The following PDE4B variants were observed in gnomAD, a reference collection of about 807,000 sequenced individuals.
PDE4B encodes 3',5'-cyclic-AMP phosphodiesterase 4B.
A neutral mutation model predicts 82.2 loss-of-function variants in PDE4B; 20 were observed. That is an observed-to-expected ratio of 0.24 (90% confidence interval 0.17 to 0.35). The LOEUF (loss-of-function observed/expected upper bound fraction) is 0.35, where lower values mean the gene tolerates loss of function less well. Ranked by LOEUF, PDE4B falls within the 10% of genes least tolerant of loss-of-function variation. The probability of loss-of-function intolerance (pLI) is 1.00; values close to 1 mark genes in which losing one functional copy is unlikely to be tolerated. For missense variants in PDE4B, 655 were observed against 907.2 expected, an observed-to-expected ratio of 0.72 and a Z score of 3.57; for synonymous variants, 320 against 318.9, an observed-to-expected ratio of 1.00 and a Z score of -0.04.
intron 3 of PDE4B, among the ~76,000 whole-genome samples, chr1:66,155,611 T>TTATATATACATGTGTATATATC (rs1553152364): frequency 2.6e-5 from 4 of 151,356 alleles, no homozygotes; most frequent in Non-Finnish European, 5.9e-5. Flanking sequence ...ATATACATAT[T>TTATATATACATGTGTATATATC]TATATATACA....
intron 3 of PDE4B, among the ~76,000 whole-genome samples, chr1:66,015,585 CCA>C (rs1652726215): frequency 6.6e-6 from 1 of 150,524 alleles, no homozygotes; most frequent in African/African-American, 2.5e-5. Flanking sequence ...AAGAGTATTT[CCA>C]CAAGAAAAAA....
chr1:66,318,597 T>C (rs562094392), intron 7 of PDE4B, among the ~76,000 whole-genome samples: 161 of 152,338 alleles, frequency 1.1e-3, no homozygotes, highest in African/African-American at 3.6e-3. Context: ...ACGTCCTGGC[T>C]ATAGACTTAT....
At chr1:66,267,469 A>T (rs1455352551) in intron 7 of PDE4B, 1 of 152,198 alleles carries the variant, frequency 6.6e-6, no homozygotes, top group Non-Finnish European at 1.5e-5. Context: ...GATTATTTAG[A>T]CTATGTTTTC....
chr1:66,073,348 T>A (rs543998703), intron 3 of PDE4B, among the ~76,000 whole-genome samples: 1 of 152,286 alleles, frequency 6.6e-6, no homozygotes, highest in South Asian at 2.1e-4. Context: ...CAAACCTATT[T>A]CATGTTATTA....
chr1:66,002,391 A>G (rs1651914423), intron 3 of PDE4B, among the ~76,000 whole-genome samples: 1 of 152,094 alleles, frequency 6.6e-6, no homozygotes, highest in Non-Finnish European at 1.5e-5. Flanking sequence ...CATTTGTAGC[A>G]CCGGTTTAAA....
chr1:65,982,800 A>G (rs1650754708), intron 3 of PDE4B, among the ~76,000 whole-genome samples: 1 of 152,218 alleles, frequency 6.6e-6, no homozygotes, highest in Non-Finnish European at 1.5e-5. Context: ...TGGCTGGTTG[A>G]TAATGCAGAT....
chr1:66,008,523 A>G (rs574149167), intron 3 of PDE4B, among the ~76,000 whole-genome samples: 2 of 152,210 alleles, frequency 1.3e-5, no homozygotes, highest in East Asian at 1.9e-4. Context: ...TTTCCATTCT[A>G]TTAAATGGTA....
At chr1:66,113,934 G>A (rs1645539774) in intron 3 of PDE4B, among the ~76,000 whole-genome samples, 1 of 152,182 alleles carries the variant, frequency 6.6e-6, no homozygotes, top group Non-Finnish European at 1.5e-5. Flanking sequence ...TTAATCATTT[G>A]AGAGTAAGCA....
At chr1:66,317,408 T>G (rs928621418) in intron 7 of PDE4B, among the ~76,000 whole-genome samples, 1 of 152,014 alleles carries the variant, frequency 6.6e-6, no homozygotes, top group African/African-American at 2.4e-5. Flanking sequence ...AAGAAAGTCT[T>G]TAGGAGGAAG....
chr1:65,996,123 C>T (rs1184099701), intron 3 of PDE4B, among the ~76,000 whole-genome samples: 1 of 152,050 alleles, frequency 6.6e-6, no homozygotes, highest in Non-Finnish European at 1.5e-5. Flanking sequence ...TTTACAAAAT[C>T]CTAAATCTGG....
chr1:66,274,464 C>T (rs545569522), intron 7 of PDE4B, among the ~76,000 whole-genome samples: 4 of 152,104 alleles, frequency 2.6e-5, no homozygotes, highest in South Asian at 2.1e-4. Flanking sequence ...TGAGCCACTG[C>T]GCCCAGCTGA....
chr1:65,922,901 C>T (rs1189132362), intron 3 of PDE4B, among the ~76,000 whole-genome samples: 1 of 152,082 alleles, frequency 6.6e-6, no homozygotes, highest in Non-Finnish European at 1.5e-5. Flanking sequence ...TGTGCCTGTT[C>T]TTTAGAGGAA....
chr1:66,336,152 CAAAGCCAACCAACGTCATTAG>C (rs1420683043), intron 8 of PDE4B, among the ~76,000 whole-genome samples: 1 of 152,178 alleles, frequency 6.6e-6, no homozygotes, highest in African/African-American at 2.4e-5. Context: ...CTCGTGTCAC[CAAAGCCAACCAACGTCATTAG>C]AGGAGGATAG....
chr1:66,329,543 T>G (rs150500792), intron 7 of PDE4B, among the ~76,000 whole-genome samples: 1 of 152,308 alleles, frequency 6.6e-6, no homozygotes, highest in African/African-American at 2.4e-5. Flanking sequence ...CCTTATTGAA[T>G]GTGCAATTCA....
intron 3 of PDE4B, among the ~76,000 whole-genome samples, chr1:66,206,026 A>C (rs1416650704): frequency 6.6e-6 from 1 of 152,194 alleles, no homozygotes; most frequent in African/African-American, 2.4e-5. Context: ...GCTAGGAATC[A>C]GGGGTTTCTA....
chr1:65,818,253 C>G (rs926455238), intron 1 of PDE4B, among the ~76,000 whole-genome samples: 1 of 152,170 alleles, frequency 6.6e-6, no homozygotes, highest in Non-Finnish European at 1.5e-5. Flanking sequence ...TTTTCCTGCT[C>G]AGGACTCTGC....
chr1:65,909,023 C>T (rs564523198), intron 1 of PDE4B, among the ~76,000 whole-genome samples: 1 of 152,126 alleles, frequency 6.6e-6, no homozygotes, highest in African/African-American at 2.4e-5. Flanking sequence ...AGACACTGGC[C>T]ACTGAATTAA....
At chr1:66,163,851 A>T (rs71649214) in intron 3 of PDE4B, among the ~76,000 whole-genome samples, 154 of 143,330 alleles carry the variant, frequency 1.1e-3, no homozygotes, top group South Asian at 3.3e-3. Context: ...CTGGTGTGTG[A>T]CTTACTGCTA....
chr1:66,104,249 C>T (rs968897960), intron 3 of PDE4B, among the ~76,000 whole-genome samples: 1 of 152,106 alleles, frequency 6.6e-6, no homozygotes, highest in Middle Eastern at 3.4e-3. Context: ...TCATCCATGT[C>T]CCTGCAAAGG....
Sources: gnomAD v4.1 joint callset for allele counts (sites outside exome capture counted in the v4.1 genomes callset) on GRCh38, gnomAD v4.1.1 for gene constraint, MANE v1.5 for transcripts, NCBI Gene and HGNC (gene_info 2026-07-23, HGNC 2026-07-21) for gene names.